Variants in HCN1 observed in about 807,000 individuals in gnomAD.
The protein encoded by HCN1 is potassium/sodium hyperpolarization-activated cyclic nucleotide-gated channel 1.
HCN1 carries 13 observed loss-of-function variants against 78.9 expected under a neutral mutation model. The observed-to-expected ratio is 0.16, with a 90% CI of 0.11 to 0.26. HCN1 has a LOEUF of 0.26. HCN1 is among the 10% of genes least tolerant of loss of function. The pLI, the probability that HCN1 is intolerant of heterozygous loss-of-function variation, is 1.00. For missense variants in HCN1, 810 were observed against 1,154.3 expected (o/e 0.70, Z 4.32); for synonymous variants, 552 against 455.5 (o/e 1.21, Z -2.70).
intron 4 of HCN1, among the ~76,000 whole-genome samples, chr5:45,361,848 GTTTAAGA>G (rs2111992198): frequency 6.6e-6 from 1 of 152,010 alleles, no homozygotes; most frequent in South Asian, 2.1e-4. Context: ...ATTTAACATT[GTTTAAGA>G]TTTAACTAAG....
intron 2 of HCN1, among the ~76,000 whole-genome samples, chr5:45,482,532 A>G (rs1037118536): frequency 5.3e-5 from 8 of 152,330 alleles, no homozygotes; most frequent in African/African-American, 1.9e-4. Flanking sequence ...AATGTAATAT[A>G]GTTGAGACAC....
At chr5:45,656,490 A>G (rs1303105741) in intron 1 of HCN1, among the ~76,000 whole-genome samples, 1 of 152,226 alleles carries the variant, frequency 6.6e-6, no homozygotes, top group East Asian at 1.9e-4. Flanking sequence ...ACATAGTGCT[A>G]GTCCATGGGT....
In HCN1 at chr5:45,396,653, G is replaced by A. The variant is rs777248475; in HGVS notation, c.1069C>T (p.Leu357=). The A allele has an allele frequency of 1.9e-6, 3 of 1,613,794 alleles. No homozygotes were observed. The highest frequency in any genetic ancestry group is 2.5e-6 in the Non-Finnish European group (3 of 1,179,898). ...GCTTGGGCTCCATACCCAATGCACA[G>A]CATGTGACTCATAGCTTTGAAGAGT... The part of the protein sequence containing the change: ...YALFKAMSHM[L]CIGYGAQAPV... Residue 357 remains leucine (L), a synonymous_variant, in exon 4 of 8, where the codon CTG becomes TTG. Coordinates refer to ENST00000303230, the MANE Select transcript of HCN1 (RefSeq NM_021072.4).
Position 45,560,343 on chromosome 5 carries a change from G to A in HCN1, c.849+84842C>T, listed in dbSNP as rs1743571429. On this transcript the variant is annotated intron_variant, in intron 2 of 7. Coordinates refer to ENST00000303230, the MANE Select transcript of HCN1 (RefSeq NM_021072.4). Reference sequence around the variant, plus strand: ...AATTTATATCTATATAGAACCAGAGGAAAGTGATTAAGCAAAAAGATAACT... The same window carrying A: ...AATTTATATCTATATAGAACCAGAGAAAAGTGATTAAGCAAAAAGATAACT... Among the ~76,000 whole-genome samples, 3 of 151,868 alleles carry A rather than the reference G, an allele frequency of 2.0e-5. No individual in the cohort carries two copies. The South Asian group carries it at 6.2e-4, about 32-fold the overall frequency.
At chr5:45,381,991 C>T (rs1361523497) in intron 4 of HCN1, among the ~76,000 whole-genome samples, 1 of 152,174 alleles carries the variant, frequency 6.6e-6, no homozygotes, top group Non-Finnish European at 1.5e-5. Flanking sequence ...AGCCATTGTC[C>T]TCCGCACTGA....
Position 45,683,646 on chromosome 5 carries a change from T to C in HCN1, c.425+12023A>G, listed in dbSNP as rs148885132. Among the ~76,000 whole-genome samples the C allele has an allele frequency of 8.2e-3, 1,231 of 150,590 alleles. 8 individuals are homozygous for C. Among genetic ancestry groups the C allele is most frequent in the Middle Eastern group, 0.052 (15 of 290 alleles). On this transcript the variant is annotated intron_variant, in intron 1 of 7. Transcript: ENST00000303230. Reference sequence around the variant, plus strand: ...CTAGCCAGTTAAATATATATATATATACACACACACACACATATGTTTTGT... The same window carrying C: ...CTAGCCAGTTAAATATATATATATACACACACACACACACATATGTTTTGT...
chr5:45,278,341 A>G (rs1228546019), intron 6 of HCN1, among the ~76,000 whole-genome samples: 1 of 152,130 alleles, frequency 6.6e-6, no homozygotes, highest in African/African-American at 2.4e-5. Flanking sequence ...TCTACTTTTC[A>G]GTAATTTGAA....
At chr5:45,339,393 G>A (rs1746529118) in intron 5 of HCN1, among the ~76,000 whole-genome samples, 1 of 152,108 alleles carries the variant, frequency 6.6e-6, no homozygotes, top group Non-Finnish European at 1.5e-5. Context: ...GAGTAGAAAG[G>A]AATGAAGATA....
At chr5:45,674,370 A>G (rs1261717661) in intron 1 of HCN1, among the ~76,000 whole-genome samples, 6 of 151,656 alleles carry the variant, frequency 4.0e-5, no homozygotes, top group African/African-American at 1.5e-4. Context: ...ATAATGAATA[A>G]AAAGAGGAAA....
At chr5:45,531,485 C>A (rs1742848889) in intron 2 of HCN1, among the ~76,000 whole-genome samples, 1 of 152,090 alleles carries the variant, frequency 6.6e-6, no homozygotes, top group African/African-American at 2.4e-5. Flanking sequence ...CTCTACTAGT[C>A]CCGTGTTTTT....
chr5:45,617,986 T>TTA (rs1436829626), intron 2 of HCN1, among the ~76,000 whole-genome samples: 2 of 151,936 alleles, frequency 1.3e-5, no homozygotes, highest in Non-Finnish European at 1.5e-5. Context: ...TCTGGTGAAA[T>TTA]AACAAAGCGT....
chr5:45,642,942 G>A (rs1479430182), intron 2 of HCN1: 2 of 152,058 alleles, frequency 1.3e-5, no homozygotes, highest in Admixed American at 6.6e-5. Context: ...ATATAATCAA[G>A]AAAACATTCT....
intron 2 of HCN1, among the ~76,000 whole-genome samples, chr5:45,501,130 C>T (rs1433545549): frequency 6.6e-6 from 1 of 152,106 alleles, no homozygotes; most frequent in African/African-American, 2.4e-5. Context: ...ACTGACTGGG[C>T]AGCAGAAACA....
intron 2 of HCN1, chr5:45,559,857 T>C (rs1743558362): frequency 6.6e-6 from 1 of 152,220 alleles, no homozygotes; most frequent in South Asian, 2.1e-4. Flanking sequence ...AGTCAATCAA[T>C]GTGGGAAACC....
At chr5:45,433,627 T>G (rs932939720) in intron 3 of HCN1, among the ~76,000 whole-genome samples, 1 of 152,186 alleles carries the variant, frequency 6.6e-6, no homozygotes, top group African/African-American at 2.4e-5. Context: ...TATTCTTGTT[T>G]ATAGGCACTA....
intron 6 of HCN1, among the ~76,000 whole-genome samples, chr5:45,284,152 G>A (rs1486708828): frequency 6.6e-6 from 1 of 152,042 alleles, no homozygotes; most frequent in African/African-American, 2.4e-5. Flanking sequence ...ATAGAGGGTA[G>A]GAGAGAGGAA....
At chr5:45,477,231 GA>G (rs1741537605) in intron 2 of HCN1, among the ~76,000 whole-genome samples, 1 of 152,006 alleles carries the variant, frequency 6.6e-6, no homozygotes, top group Admixed American at 6.6e-5. Context: ...AAAAAAAATA[GA>G]GGTGAAGGGT....
chr5:45,649,735 AAGAT>A (rs1221349877), intron 1 of HCN1, among the ~76,000 whole-genome samples: 21 of 152,262 alleles, frequency 1.4e-4, no homozygotes, highest in African/African-American at 4.1e-4. Flanking sequence ...TTTCTGCTAT[AAGAT>A]AGATAGCATC....
At chr5:45,526,691 G>T (rs1742743076) in intron 2 of HCN1, among the ~76,000 whole-genome samples, 1 of 152,014 alleles carries the variant, frequency 6.6e-6, no homozygotes, top group African/African-American at 2.4e-5. Context: ...CAACTACTAA[G>T]CTAGATTTCC....
Sources: gnomAD v4.1 joint callset for allele counts (sites outside exome capture counted in the v4.1 genomes callset) on GRCh38, gnomAD v4.1.1 for gene constraint, MANE v1.5 for transcripts, NCBI Gene and HGNC (gene_info 2026-07-23, HGNC 2026-07-21) for gene names.